The following PCDHA2 variants were observed in gnomAD, a reference collection of about 807,000 sequenced individuals.
The protein encoded by PCDHA2 is protocadherin alpha-2.
A neutral mutation model predicts 66.0 loss-of-function variants in PCDHA2; 58 were observed. The ratio of observed to expected loss-of-function variants is 0.88; its 90% confidence interval spans 0.71 to 1.09. PCDHA2 has a LOEUF of 1.09. Ranked by LOEUF, PCDHA2 falls within the 50% of genes least tolerant of loss-of-function variation. The pLI is 0.00. For synonymous variants in PCDHA2, 634 were observed against 554.0 expected (o/e 1.14, Z -2.03); for missense variants, 1,267 against 1,242.3 (o/e 1.02, Z -0.30).
At chr5:141,000,361 GTC>G (rs148596731) in intron 3 of PCDHA2, among the ~76,000 whole-genome samples, 577 of 26,370 alleles carry the variant, frequency 0.022, 17 homozygotes, top group Admixed American at 0.027. Context: ...GTCTCTCTCT[GTC>G]TCTCTCTCTC....
chr5:140,826,209 A>G (rs1474766554), intron 1 of PCDHA2, among the ~76,000 whole-genome samples: 1 of 152,256 alleles, frequency 6.6e-6, no homozygotes, highest in Non-Finnish European at 1.5e-5. Flanking sequence ...CACATTTTAA[A>G]AAATCAAGTT....
chr5:140,836,171 A>G lies in PCDHA2; in HGVS notation c.2388+38819A>G, dbSNP rs2150254615. 35 of 1,613,728 alleles carry G rather than the reference A, an allele frequency of 2.2e-5. 2 individuals carry two copies. The South Asian group carries it at 2.5e-4, about 12-fold the overall frequency. On this transcript the variant is annotated intron_variant, in intron 1 of 3. Transcript: ENST00000526136. The stretch of plus-strand genomic sequence containing the variant: ...GCCATGTGGTGGCGAAGGTACGTGC[A>G]GTTGACGCTGACTCAGGCTACAACG...
chr5:140,929,480 G>C, intron 1 of PCDHA2: 1 of 1,195,420 alleles, frequency 8.4e-7, no homozygotes, highest in Non-Finnish European at 1.1e-6. Context: ...TGGAAGTATA[G>C]AAGTATTAGA....
At chr5:140,873,755 T>C (rs1273886734) in intron 1 of PCDHA2, among the ~76,000 whole-genome samples, 1 of 152,098 alleles carries the variant, frequency 6.6e-6, no homozygotes, top group African/African-American at 2.4e-5. Flanking sequence ...CCACCTCCCA[T>C]GTTCAAGCAA....
intron 1 of PCDHA2, chr5:140,822,877 A>T (rs1554128927): frequency 1.9e-6 from 3 of 1,614,196 alleles, no homozygotes; most frequent in Admixed American, 1.7e-5. Context: ...CAGCACGGTC[A>T]TTGCTCTGAT....
At position 140,796,614 on chromosome 5, in the gene PCDHA2, G is replaced by A. The variant is rs544759315; in HGVS notation, c.1650G>A (p.Thr550=). 27 of 1,612,474 alleles carry A rather than the reference G, an allele frequency of 1.7e-5. No homozygotes were observed. In the Admixed American group the frequency reaches 2.2e-4, roughly 13 times the overall value. The change falls in exon 1 of 4, where the codon ACG becomes ACA. Residue 550 remains threonine, a synonymous_variant. Coordinates refer to ENST00000526136, the MANE Select transcript of PCDHA2 (RefSeq NM_018905.3). ...AGVPPLGSNV[T]LQVFVLDEND... ...TGCCGCCTCTGGGCAGCAACGTGAC[G>A]CTGCAGGTGTTCGTGCTGGACGAGA...
At position 140,853,409 on chromosome 5, in the gene PCDHA2, G is replaced by C. The variant is rs2042740384; in HGVS notation, c.2388+56057G>C. 1.0e-5 allele frequency: 10 copies of C among 985,968 alleles called. 2 individuals are homozygous for C. Among genetic ancestry groups the C allele is most frequent in the Non-Finnish European group, 1.2e-5 (10 of 818,342 alleles). 61.1% of individuals were successfully genotyped at this position (985,968 alleles called of 1,614,324 possible). On this transcript the variant is annotated intron_variant, in intron 1 of 3. Transcript: ENST00000526136. Reference sequence around the variant, plus strand: ...CAGCCTGTCAAGTTCAAAACAGAGAGGTGAAAGCAGAAGAGACACTTTCCT... The same window carrying C: ...CAGCCTGTCAAGTTCAAAACAGAGACGTGAAAGCAGAAGAGACACTTTCCT...
chr5:140,849,289 A>G, intron 1 of PCDHA2: 1 of 1,220,472 alleles, frequency 8.2e-7, no homozygotes, highest in Non-Finnish European at 1.1e-6. Context: ...ATTCACCCCA[A>G]TGCCTCAGAT....
chr5:140,884,059 G>A, intron 1 of PCDHA2: 4 of 1,613,546 alleles, frequency 2.5e-6, no homozygotes, highest in Non-Finnish European at 3.4e-6. Context: ...TGCGCGCGGT[G>A]GACGCCGATT....
chr5:140,853,707 C>A, intron 1 of PCDHA2: 2 of 988,182 alleles, frequency 2.0e-6, no homozygotes, highest in Non-Finnish European at 2.4e-6. Context: ...AACGCATTAG[C>A]ATTAGCAGCA....
intron 1 of PCDHA2, chr5:140,809,680 C>G (rs1325474116): frequency 4.5e-6 from 6 of 1,338,242 alleles, no homozygotes; most frequent in Non-Finnish European, 5.1e-6. Context: ...AATTTTACCT[C>G]TTTTTACATA....
intron 1 of PCDHA2, chr5:140,829,216 C>A (rs2150164003): frequency 1.2e-6 from 2 of 1,614,238 alleles, no homozygotes; most frequent in East Asian, 4.5e-5. Context: ...TTAGCGTGAA[C>A]GACCTCGATT....
At chr5:140,866,639 A>G (rs782198143) in intron 1 of PCDHA2, 1 of 152,148 alleles carries the variant, frequency 6.6e-6, no homozygotes, top group Non-Finnish European at 1.5e-5. Flanking sequence ...CAACGGTGTC[A>G]AAATTTATTT....
intron 1 of PCDHA2, chr5:140,808,283 G>T: frequency 6.2e-7 from 1 of 1,614,216 alleles, no homozygotes; most frequent in Non-Finnish European, 8.5e-7. Flanking sequence ...CGCTCCACTG[G>T]GTACAGTCAT....
chr5:140,857,663 G>A lies in PCDHA2; in HGVS notation c.2388+60311G>A, dbSNP rs377441915. ...ACAGTTCCAGGTGAGCGCGCGCGAT[G>A]GGGGCGTGCCGCCTCTGGGCAGCAA... On this transcript the variant is annotated intron_variant, in intron 1 of 3. Transcript: ENST00000526136. The A allele has an allele frequency of 1.9e-5, 30 of 1,596,736 alleles. 2 individuals are homozygous for A. Among genetic ancestry groups the A allele is most frequent in the Non-Finnish European group, 2.3e-5 (27 of 1,167,780 alleles).
chr5:140,854,238 G>A (rs2043048996), intron 1 of PCDHA2: 1 of 636,222 alleles, frequency 1.6e-6, no homozygotes, highest in Non-Finnish European at 2.0e-6. Flanking sequence ...GGATATTTAT[G>A]TTATCACTTG....
intron 1 of PCDHA2, chr5:140,882,621 AT>A (rs1447184799): frequency 1.2e-6 from 2 of 1,614,094 alleles, no homozygotes; most frequent in Non-Finnish European, 1.7e-6. Flanking sequence ...CAGGTTTTCC[AT>A]GTGGAGGTGA....
intron 1 of PCDHA2, among the ~76,000 whole-genome samples, chr5:140,975,268 G>C (rs1054634006): frequency 6.6e-6 from 1 of 152,102 alleles, no homozygotes; most frequent in African/African-American, 2.4e-5. Flanking sequence ...TCTGATTTCT[G>C]TCTCTGACCT....
intron 1 of PCDHA2, among the ~76,000 whole-genome samples, chr5:140,894,318 T>C (rs1403062288): frequency 1.3e-5 from 2 of 152,086 alleles, no homozygotes; most frequent in Non-Finnish European, 2.9e-5. Context: ...TCTTAAATTA[T>C]AGATTTTAGT....
Sources: allele counts gnomAD v4.1 joint callset (sites outside exome capture counted in the v4.1 genomes callset), GRCh38; gene constraint gnomAD v4.1.1; transcripts MANE v1.5; gene names NCBI Gene and HGNC (gene_info 2026-07-23, HGNC 2026-07-21).